CNTN1: variants seen among roughly 807,000 people sequenced by gnomAD.
The protein encoded by CNTN1 is contactin 1, also known as contactin-1.
In CNTN1, 38 loss-of-function variants were observed where a neutral mutation model predicts 126.4. The observed-to-expected ratio is 0.30, with a 90% confidence interval of 0.23 to 0.39. CNTN1 has a LOEUF of 0.39. Ranked by LOEUF, CNTN1 falls within the 10% of genes least tolerant of loss-of-function variation. The pLI is 1.00. For missense variants in CNTN1, 1,009 were observed against 1,248.4 expected, an observed-to-expected ratio of 0.81 and a Z score of 2.89; for synonymous variants, 413 against 422.6, an observed-to-expected ratio of 0.98 and a Z score of 0.28.
intron 1 of CNTN1, among the ~76,000 whole-genome samples, chr12:40,736,332 G>C (rs771844472): frequency 6.6e-6 from 1 of 151,698 alleles, no homozygotes; most frequent in African/African-American, 2.4e-5. Context: ...CTCAGACCAC[G>C]GCAAACAAAT....
At chr12:40,891,619 T>C (rs963492174) in intron 1 of CNTN1, among the ~76,000 whole-genome samples, 1 of 152,128 alleles carries the variant, frequency 6.6e-6, no homozygotes, top group African/African-American at 2.4e-5. Flanking sequence ...GTCCAGTTAT[T>C]TTAACACAAT....
At chr12:40,917,955 A>T (rs1218179946) in intron 3 of CNTN1, among the ~76,000 whole-genome samples, 2 of 152,174 alleles carry the variant, frequency 1.3e-5, no homozygotes, top group African/African-American at 4.8e-5. Flanking sequence ...ATGTTTAGAA[A>T]AAAATCAACA....
Position 41,016,693 on chromosome 12 carries a change from A to G in CNTN1, c.2196A>G (p.Arg732=), listed in dbSNP as rs1335181499. 1.9e-6 allele frequency: 3 copies of G among 1,611,432 alleles called. No individual in the cohort carries two copies. The highest frequency in any genetic ancestry group is 2.5e-6 in the Non-Finnish European group (3 of 1,177,566). The change falls in exon 19 of 24, where the codon AGA becomes AGG. Residue 732 remains arginine, a synonymous_variant. Coordinates refer to ENST00000551295, the MANE Select transcript of CNTN1 (RefSeq NM_001843.4). Reference sequence around the variant, plus strand: ...TAATTTCTATTTAGCCTTTGTCAAGAGAATACCACTATGGCAACAATTTTG... The same window carrying G: ...TAATTTCTATTTAGCCTTTGTCAAGGGAATACCACTATGGCAACAATTTTG... ...ELTITWAPLS[R]EYHYGNNFGY...
intron 1 of CNTN1, among the ~76,000 whole-genome samples, chr12:40,891,306 T>C (rs959979636): frequency 6.6e-6 from 1 of 152,180 alleles, no homozygotes; most frequent in Non-Finnish European, 1.5e-5. Flanking sequence ...TCCCTGCCTA[T>C]GGCTTGTCTT....
chr12:40,720,346 A>G (rs1269769768), intron 1 of CNTN1, among the ~76,000 whole-genome samples: 1 of 152,012 alleles, frequency 6.6e-6, no homozygotes, highest in African/African-American at 2.4e-5. Flanking sequence ...AATTAAGAGT[A>G]TGCTTATTTC....
chr12:40,739,059 A>C (rs548608493), intron 1 of CNTN1, among the ~76,000 whole-genome samples: 1 of 152,228 alleles, frequency 6.6e-6, no homozygotes, highest in South Asian at 2.1e-4. Flanking sequence ...CAGTTAAATC[A>C]GAAATACCAG....
At chr12:40,824,632 A>T (rs1941549477) in intron 1 of CNTN1, among the ~76,000 whole-genome samples, 1 of 152,144 alleles carries the variant, frequency 6.6e-6, no homozygotes, top group South Asian at 2.1e-4. Flanking sequence ...ATTTAAGTTG[A>T]TTTTTACGCG....
intron 23 of CNTN1, among the ~76,000 whole-genome samples, chr12:41,032,464 C>T (rs1382798033): frequency 6.6e-6 from 1 of 151,930 alleles, no homozygotes; most frequent in Non-Finnish European, 1.5e-5. Flanking sequence ...TCTATATAAT[C>T]CACCCTCTCT....
At chr12:40,850,318 C>T (rs1287318752) in intron 1 of CNTN1, among the ~76,000 whole-genome samples, 1 of 152,006 alleles carries the variant, frequency 6.6e-6, no homozygotes, top group African/African-American at 2.4e-5. Flanking sequence ...TAGACTAGGC[C>T]ACAGTTATTT....
At chr12:40,997,861 A>G (rs938522196) in intron 17 of CNTN1, among the ~76,000 whole-genome samples, 6 of 152,204 alleles carry the variant, frequency 3.9e-5, no homozygotes, top group African/African-American at 1.4e-4. Flanking sequence ...AACATATCGA[A>G]TTAAAACTAG....
intron 1 of CNTN1, among the ~76,000 whole-genome samples, chr12:40,770,146 A>G (rs1310672760): frequency 1.3e-5 from 2 of 152,144 alleles, no homozygotes; most frequent in Non-Finnish European, 2.9e-5. Context: ...ATCCCTCTTT[A>G]TAAAGCAATC....
chr12:40,908,817 T>G (rs1051156480), intron 2 of CNTN1, among the ~76,000 whole-genome samples: 12 of 152,118 alleles, frequency 7.9e-5, no homozygotes, highest in African/African-American at 2.9e-4. Context: ...TCATTTAATG[T>G]GGAACTGGAA....
intron 1 of CNTN1, among the ~76,000 whole-genome samples, chr12:40,881,659 G>T (rs1943873018): frequency 6.6e-6 from 1 of 151,824 alleles, no homozygotes; most frequent in Admixed American, 6.6e-5. Context: ...ATCAGAAAAT[G>T]GAAAATAGAT....
chr12:40,862,359 G>A (rs1943143433), intron 1 of CNTN1, among the ~76,000 whole-genome samples: 1 of 152,096 alleles, frequency 6.6e-6, no homozygotes, highest in East Asian at 1.9e-4. Context: ...AACAGGTCAC[G>A]GACTGGTACC....
intron 1 of CNTN1, among the ~76,000 whole-genome samples, chr12:40,902,311 G>A (rs922767313): frequency 1.3e-5 from 2 of 152,128 alleles, no homozygotes; most frequent in Non-Finnish European, 2.9e-5. Flanking sequence ...GAGCAGCAGA[G>A]GAAGAATTTC....
chr12:41,007,470 C>T (rs2120665483), intron 17 of CNTN1, among the ~76,000 whole-genome samples: 1 of 152,202 alleles, frequency 6.6e-6, no homozygotes, highest in East Asian at 1.9e-4. Context: ...ACCAGGAAAA[C>T]TTAGGACATG....
At chr12:40,761,901 T>C (rs1938877592) in intron 1 of CNTN1, among the ~76,000 whole-genome samples, 2 of 152,154 alleles carry the variant, frequency 1.3e-5, no homozygotes, top group South Asian at 4.1e-4. Flanking sequence ...AACTGATTTC[T>C]CTGTTTTTGT....
At chr12:40,854,244 G>A (rs975463641) in intron 1 of CNTN1, among the ~76,000 whole-genome samples, 6 of 151,870 alleles carry the variant, frequency 4.0e-5, no homozygotes, top group Non-Finnish European at 2.9e-5. Flanking sequence ...TGTTAACAGG[G>A]AAATTGCAAG....
intron 23 of CNTN1, among the ~76,000 whole-genome samples, chr12:41,052,652 A>G (rs1949713984): frequency 6.6e-6 from 1 of 152,034 alleles, no homozygotes; most frequent in Non-Finnish European, 1.5e-5. Flanking sequence ...AAATATTTAT[A>G]TTTTATCCCC....
Sources: allele counts gnomAD v4.1 joint callset (sites outside exome capture counted in the v4.1 genomes callset), GRCh38; gene constraint gnomAD v4.1.1; transcripts MANE v1.5; gene names NCBI Gene and HGNC (gene_info 2026-07-23, HGNC 2026-07-21).